The following KCTD16 variants were observed in gnomAD, a reference collection of about 807,000 sequenced individuals.
The protein encoded by KCTD16 is BTB/POZ domain-containing protein KCTD16.
KCTD16 carries 13 observed loss-of-function variants against 33.2 expected under a neutral mutation model. The ratio of observed to expected loss-of-function variants is 0.39; its 90% CI spans 0.25 to 0.62. The LOEUF (loss-of-function observed/expected upper bound fraction) is 0.62. Ranked by LOEUF, KCTD16 falls within the 20% of genes least tolerant of loss-of-function variation. The pLI, the probability that KCTD16 is intolerant of heterozygous loss-of-function variation, is 0.50. For missense variants in KCTD16, 441 were observed against 525.1 expected, an observed-to-expected ratio of 0.84 and a Z score of 1.57; for synonymous variants, 197 against 195.3, an observed-to-expected ratio of 1.01 and a Z score of -0.07.
Position 144,473,878 on chromosome 5 carries a change from G to A in KCTD16, c.1051G>A (p.Val351Ile), listed in dbSNP as rs1386653291. 1.2e-6 allele frequency: 2 copies of A among 1,614,068 alleles called. No homozygotes were observed. Among genetic ancestry groups the A allele is most frequent in the Non-Finnish European group, 1.7e-6 (2 of 1,180,002 alleles). The change falls in exon 4 of 4, where the codon GTC becomes ATC. Residue 351 changes from valine (V) to isoleucine (I), a missense_variant. This residue lies in a region of KCTD16 where 355 missense variants were observed against 413.0 expected (regional missense o/e 0.86). Coordinates refer to ENST00000512467, the MANE Select transcript of KCTD16 (RefSeq NM_020768.4). ...TLDRPIKKGP[V>I]QLIQQSEMRR... ...GGACCGTCCCATCAAGAAGGGCCCTGTCCAGCTGATCCAACAGTCAGAGAT... is the reference window on the plus strand; with the variant it reads ...GGACCGTCCCATCAAGAAGGGCCCTATCCAGCTGATCCAACAGTCAGAGAT...
At chr5:144,452,829 C>A (rs1753976368) in intron 3 of KCTD16, among the ~76,000 whole-genome samples, 1 of 151,760 alleles carries the variant, frequency 6.6e-6, no homozygotes, top group Admixed American at 6.6e-5. Context: ...GAAGGACTAC[C>A]TGAACCCTCC....
intron 2 of KCTD16, among the ~76,000 whole-genome samples, chr5:144,179,318 C>A (rs1280660019): frequency 2.0e-5 from 3 of 152,192 alleles, no homozygotes; most frequent in Admixed American, 2.0e-4. Flanking sequence ...TTCTTATGAG[C>A]TGGTAAAATT....
chr5:144,390,526 A>ATT (rs34067554), intron 3 of KCTD16, among the ~76,000 whole-genome samples: 228 of 150,246 alleles, frequency 1.5e-3, no homozygotes, highest in East Asian at 3.7e-3. Context: ...GAAGTGTTTA[A>ATT]TTTTTTTTTT....
intron 3 of KCTD16, among the ~76,000 whole-genome samples, chr5:144,303,357 G>T (rs1418282233): frequency 6.6e-6 from 1 of 152,132 alleles, no homozygotes; most frequent in South Asian, 2.1e-4. Context: ...TAGCTTTATA[G>T]GCTTGTGAGA....
At chr5:144,343,779 G>T (rs1330996271) in intron 3 of KCTD16, among the ~76,000 whole-genome samples, 1 of 152,156 alleles carries the variant, frequency 6.6e-6, no homozygotes, top group Non-Finnish European at 1.5e-5. Flanking sequence ...GGTATGTTGT[G>T]TCTTTGTTCT....
chr5:144,271,689 T>C (rs1755297888), intron 3 of KCTD16, among the ~76,000 whole-genome samples: 1 of 151,586 alleles, frequency 6.6e-6, no homozygotes, highest in South Asian at 2.1e-4. Context: ...AGCATCTAAA[T>C]TGGAAAGGAA....
chr5:144,335,789 C>A (rs1014442171), intron 3 of KCTD16, among the ~76,000 whole-genome samples: 1 of 151,932 alleles, frequency 6.6e-6, no homozygotes, highest in African/African-American at 2.4e-5. Flanking sequence ...ATGGCAGGTG[C>A]GAGATAGAGT....
At chr5:144,208,618 C>A (rs1027284184) in intron 3 of KCTD16, among the ~76,000 whole-genome samples, 3 of 152,188 alleles carry the variant, frequency 2.0e-5, no homozygotes, top group Non-Finnish European at 4.4e-5. Context: ...ATTAAAATAT[C>A]TAAATTTCTT....
chr5:144,352,829 A>G (rs1751476465), intron 3 of KCTD16, among the ~76,000 whole-genome samples: 1 of 152,176 alleles, frequency 6.6e-6, no homozygotes, highest in East Asian at 1.9e-4. Context: ...ATGGGTTTTG[A>G]GACTCATTTT....
chr5:144,303,347 T>C (rs915894182), intron 3 of KCTD16, among the ~76,000 whole-genome samples: 1 of 152,260 alleles, frequency 6.6e-6, no homozygotes, highest in Non-Finnish European at 1.5e-5. Context: ...CAAAGATGAA[T>C]AGCTTTATAG....
intron 3 of KCTD16, among the ~76,000 whole-genome samples, chr5:144,309,504 G>C (rs960048309): frequency 6.6e-6 from 1 of 152,060 alleles, no homozygotes; most frequent in South Asian, 2.1e-4. Flanking sequence ...TAATATTTGA[G>C]TCTTCCAAGC....
intron 2 of KCTD16, among the ~76,000 whole-genome samples, chr5:144,201,834 G>T (rs1375703295): frequency 1.3e-5 from 2 of 152,206 alleles, no homozygotes; most frequent in Non-Finnish European, 2.9e-5. Flanking sequence ...CAGCATCTTA[G>T]CATAAGTAAG....
intron 3 of KCTD16, among the ~76,000 whole-genome samples, chr5:144,219,176 G>A (rs1180957634): frequency 2.6e-5 from 4 of 152,066 alleles, no homozygotes; most frequent in African/African-American, 9.7e-5. Context: ...GTTTTCATCA[G>A]TAGCCAGGCA....
intron 2 of KCTD16, among the ~76,000 whole-genome samples, chr5:144,196,163 C>T (rs1042736120): frequency 2.0e-5 from 3 of 152,174 alleles, no homozygotes; most frequent in Admixed American, 6.5e-5. Context: ...TTGCTGGACT[C>T]CAGCAATCTT....
chr5:144,302,147 C>G (rs183975940), intron 3 of KCTD16, among the ~76,000 whole-genome samples: 1 of 152,292 alleles, frequency 6.6e-6, no homozygotes, highest in Non-Finnish European at 1.5e-5. Flanking sequence ...CCCAGCTTTT[C>G]TGACCCCAGA....
chr5:144,318,328 C>T (rs187566763), intron 3 of KCTD16, among the ~76,000 whole-genome samples: 1 of 152,098 alleles, frequency 6.6e-6, no homozygotes, highest in African/African-American at 2.4e-5. Context: ...CCTTGATGTG[C>T]AAGGTACCTT....
chr5:144,436,863 G>A (rs1447266217), intron 3 of KCTD16, among the ~76,000 whole-genome samples: 1 of 152,102 alleles, frequency 6.6e-6, no homozygotes. Flanking sequence ...CAGGATTATA[G>A]GTGTGAGCTA....
chr5:144,207,565 T>G lies in KCTD16; in HGVS notation c.832+19T>G. On this transcript the variant is annotated intron_variant, in intron 3 of 3. Transcript: ENST00000512467. ...TTCTACCGTAAGTACAAAGGGTTGT[T>G]TTAATTTTTTATGTGTGTCAATGCT... 6.4e-7 allele frequency: 1 copy of G among 1,558,738 alleles called. No individual in the cohort carries two copies. The highest frequency in any genetic ancestry group is 2.3e-5 in the East Asian group (1 of 44,414).
chr5:144,364,169 C>T (rs568898486), intron 3 of KCTD16, among the ~76,000 whole-genome samples: 2 of 152,228 alleles, frequency 1.3e-5, no homozygotes, highest in South Asian at 4.1e-4. Flanking sequence ...CAAGCCCCTT[C>T]TATGCTTTTG....
Sources: allele counts gnomAD v4.1 joint callset (sites outside exome capture counted in the v4.1 genomes callset), GRCh38; gene constraint gnomAD v4.1.1; regional missense constraint gnomAD v4.1.1; transcripts MANE v1.5; gene names NCBI Gene and HGNC (gene_info 2026-07-23, HGNC 2026-07-21).